The following ZNF469 variants were observed in gnomAD, a reference collection of about 807,000 sequenced individuals.
ZNF469 encodes the protein zinc finger protein 469.
Under a neutral mutation model 1.0 loss-of-function variants are expected in ZNF469, and 1 was observed. That is an observed-to-expected ratio of 1.00 (90% CI 0.35 to 4.73). ZNF469 has a LOEUF of 4.73. Among genes scored for constraint, ZNF469 ranks in the 30% most tolerant of loss-of-function variants. The pLI is 0.16. For missense variants in ZNF469, 6,100 were observed against 5,356.3 expected (o/e 1.14, Z -4.33); for synonymous variants, 2,703 against 2,363.4 (o/e 1.14, Z -4.17).
At chr16:88,284,610 C>A in the ZNF469 span, among the ~76,000 whole-genome samples, 386 of 109,494 alleles carry the variant, frequency 3.5e-3, no homozygotes, top group Non-Finnish European at 4.3e-3. Flanking sequence ...GATCCCATCT[C>A]AAAAAAAAAA....
chr16:88,312,720 G>A, the ZNF469 span, among the ~76,000 whole-genome samples: 5 of 152,072 alleles, frequency 3.3e-5, no homozygotes, highest in African/African-American at 1.2e-4. Context: ...TTTGTCTAGG[G>A]GGTGAGCCAG....
rs1489233572 is a variant in ZNF469, at chr16:88,430,498, C to G, written c.3028C>G (p.Pro1010Ala). The G allele has an allele frequency of 6.3e-6, 9 of 1,420,044 alleles. No homozygotes were observed. Among genetic ancestry groups the G allele is most frequent in the Admixed American group, 3.2e-5 (1 of 31,662 alleles). 88.0% of individuals were successfully genotyped at this position (1,420,044 alleles called of 1,614,324 possible). A position where few individuals can be genotyped will look rare whatever the true frequency, so the allele number is the denominator to read the frequency against. ...QAPGSRADPA[P>A]RVPRAAALPE... Reference sequence around the variant, plus strand: ...CCCCGGGAGCCGCGCAGACCCCGCGCCCCGGGTCCCGAGAGCCGCCGCCCT... The same window carrying G: ...CCCCGGGAGCCGCGCAGACCCCGCGGCCCGGGTCCCGAGAGCCGCCGCCCT... The change falls in exon 3 of 3, where the codon CCC becomes GCC. Residue 1010 changes from proline to alanine, a missense_variant. Coordinates refer to ENST00000565624, the MANE Select transcript of ZNF469 (RefSeq NM_001367624.2).
At chr16:88,133,739 C>T in the ZNF469 span, among the ~76,000 whole-genome samples, 19,721 of 151,856 alleles carry the variant, frequency 0.13, 1,445 homozygotes, top group East Asian at 0.27. Context: ...TTATAAAATT[C>T]TTGTGTTTTG....
At chr16:88,189,506 G>C in the ZNF469 span, among the ~76,000 whole-genome samples, 1 of 152,208 alleles carries the variant, frequency 6.6e-6, no homozygotes, top group Non-Finnish European at 1.5e-5. This position sits in a 1 kb window ranked among gnomAD's most constrained non-coding sequence, Gnocchi z 4.3. Context: ...CACTGGGCAC[G>C]TTCATTTATC....
chr16:88,332,260 T>A, the ZNF469 span, among the ~76,000 whole-genome samples: 1 of 152,186 alleles, frequency 6.6e-6, no homozygotes, highest in African/African-American at 2.4e-5. Context: ...CCCCATTAGG[T>A]ATTAAGCGGG....
the ZNF469 span, among the ~76,000 whole-genome samples, chr16:88,316,046 G>T: frequency 6.6e-6 from 1 of 152,210 alleles, no homozygotes; most frequent in African/African-American, 2.4e-5. Flanking sequence ...CCTGGACCAC[G>T]CGTCACCAGG....
chr16:88,239,693 ATATATATATATATATATATATATTTTTTT>A, the ZNF469 span, among the ~76,000 whole-genome samples: 4 of 8,618 alleles, frequency 4.6e-4, no homozygotes, highest in South Asian at 0.019. Flanking sequence ...ATATATATAT[ATATATATATATATATATATATATTTTTTT>A]TTTTTTTTTT....
At chr16:88,180,621 A>C in the ZNF469 span, among the ~76,000 whole-genome samples, 2 of 152,102 alleles carry the variant, frequency 1.3e-5, no homozygotes, top group African/African-American at 4.8e-5. Context: ...AAAATATAAA[A>C]AAATTAGCCG....
chr16:88,274,563 G>A, the ZNF469 span, among the ~76,000 whole-genome samples: 26 of 152,318 alleles, frequency 1.7e-4, no homozygotes, highest in African/African-American at 3.6e-4. Flanking sequence ...GTGTCCGGGC[G>A]GGGCCCCCGG....
chr16:88,416,917 C>A (rs186550001), intron 1 of ZNF469, among the ~76,000 whole-genome samples: 34 of 152,328 alleles, frequency 2.2e-4, no homozygotes, highest in African/African-American at 7.9e-4. Context: ...TCGGCGTCTA[C>A]CCCAGGGCCT....
the ZNF469 span, among the ~76,000 whole-genome samples, chr16:88,261,713 T>C: frequency 6.6e-6 from 1 of 152,262 alleles, no homozygotes; most frequent in Non-Finnish European, 1.5e-5. This position sits in a 1 kb window ranked among gnomAD's most constrained non-coding sequence, Gnocchi z 6.0. Context: ...GGGCAAGTTC[T>C]TGGCCCTGTG....
In ZNF469 at chr16:88,433,201, G is replaced by A. The variant is rs1426905525; in HGVS notation, c.5731G>A (p.Gly1911Arg). ...ACGTCAGCTCCAGCTCCCAGGGCCT[G>A]GAGTGGCTAAGAGTAAAGATGGCAT... ...PIRQLQLPGP[G>R]VAKSKDGILG... The change falls in exon 3 of 3, where the codon GGA becomes AGA. Residue 1911 changes from glycine to arginine, a missense_variant. Physicochemically the swap from Gly to Arg is moderately radical, Grantham distance 125. Transcript: ENST00000565624. 1.9e-6 allele frequency: 3 copies of A among 1,550,314 alleles called. No individual in the cohort carries two copies. Among genetic ancestry groups the A allele is most frequent in the Non-Finnish European group, 1.7e-6 (2 of 1,146,944 alleles).
the ZNF469 span, among the ~76,000 whole-genome samples, chr16:88,359,331 T>G: frequency 1.2e-4 from 18 of 151,042 alleles, no homozygotes; most frequent in African/African-American, 4.4e-4. Flanking sequence ...CATTTGCTAT[T>G]GTCTGCTTCT....
At chr16:88,396,463 G>A (rs868772183) in intron 1 of ZNF469, among the ~76,000 whole-genome samples, 8 of 150,256 alleles carry the variant, frequency 5.3e-5, no homozygotes, top group Middle Eastern at 3.5e-3. Flanking sequence ...GAGGCCGGGC[G>A]GAGACCCTCC....
chr16:88,405,194 G>A (rs1904993332), intron 1 of ZNF469, among the ~76,000 whole-genome samples: 1 of 152,180 alleles, frequency 6.6e-6, no homozygotes, highest in African/African-American at 2.4e-5. Context: ...GATGGGCCAG[G>A]GCTAGAAAGG....
the ZNF469 span, among the ~76,000 whole-genome samples, chr16:88,104,166 A>G: frequency 3.5e-3 from 525 of 150,698 alleles, 1 homozygote; most frequent in African/African-American, 0.012. Flanking sequence ...ACTGGCCAGG[A>G]CCACCTGGCA....
chr16:88,280,492 C>G, the ZNF469 span, among the ~76,000 whole-genome samples: 2 of 147,560 alleles, frequency 1.4e-5, no homozygotes, highest in Non-Finnish European at 3.0e-5. Flanking sequence ...TGGTGCTGTG[C>G]CACCCTGATG....
the ZNF469 span, among the ~76,000 whole-genome samples, chr16:88,297,178 C>T: frequency 6.6e-6 from 1 of 152,214 alleles, no homozygotes; most frequent in Non-Finnish European, 1.5e-5. Flanking sequence ...CAACATGCAG[C>T]TCAGAGGCGG....
the ZNF469 span, among the ~76,000 whole-genome samples, chr16:88,111,281 T>C: frequency 6.6e-6 from 1 of 152,202 alleles, no homozygotes; most frequent in African/African-American, 2.4e-5. Context: ...ACGTCGTAGA[T>C]GTATATATTC....
Sources: gnomAD v4.1 joint callset for allele counts (sites outside exome capture counted in the v4.1 genomes callset) on GRCh38, gnomAD v4.1.1 for gene constraint, Gnocchi (gnomAD v3.1) non-coding constraint, MANE v1.5 for transcripts, NCBI Gene and HGNC (gene_info 2026-07-23, HGNC 2026-07-21) for gene names.